The following KTN1 variants were observed in gnomAD, a reference collection of about 807,000 sequenced individuals.
KTN1 encodes the protein kinectin 1, also known as kinectin.
A neutral mutation model predicts 222.5 loss-of-function variants in KTN1; 130 were observed. That is an observed-to-expected ratio of 0.58 (90% CI 0.51 to 0.68). The LOEUF (loss-of-function observed/expected upper bound fraction) is 0.68. Ranked by LOEUF, KTN1 falls within the 30% of genes least tolerant of loss-of-function variation. KTN1 has a pLI of 0.00. For missense variants in KTN1, 1,508 were observed against 1,500.4 expected, an observed-to-expected ratio of 1.01 and a Z score of -0.08; for synonymous variants, 512 against 496.3, an observed-to-expected ratio of 1.03 and a Z score of -0.42.
chr14:55,646,636 ATTC>A (rs1390244916), intron 18 of KTN1, among the ~76,000 whole-genome samples: 2 of 136,890 alleles, frequency 1.5e-5, no homozygotes, highest in East Asian at 4.2e-4. Context: ...TAGAGTCTGG[ATTC>A]TTTGTATTTG....
chr14:55,634,232 C>T (rs1032612340), intron 8 of KTN1, among the ~76,000 whole-genome samples: 1 of 152,042 alleles, frequency 6.6e-6, no homozygotes, highest in African/African-American at 2.4e-5. Context: ...TACACAGTAC[C>T]CTGACTGGCT....
At chr14:55,609,457 A>G (rs1359565822) in intron 1 of KTN1, among the ~76,000 whole-genome samples, 1 of 152,216 alleles carries the variant, frequency 6.6e-6, no homozygotes, top group Non-Finnish European at 1.5e-5. Flanking sequence ...TTGTGTGAAG[A>G]GAGACTCCCG....
At chr14:55,653,467 T>C in intron 27 of KTN1, 92 bp from the exon 28 acceptor site, 1 of 949,466 alleles carries the variant, frequency 1.1e-6, no homozygotes, top group Non-Finnish European at 1.6e-6. Context: ...ATGTTTTTGT[T>C]TTTATTGGTG....
At chr14:55,629,246 C>G (rs1348141873) in intron 6 of KTN1, among the ~76,000 whole-genome samples, 1 of 151,844 alleles carries the variant, frequency 6.6e-6, no homozygotes. Flanking sequence ...GAAACCCCGT[C>G]TCTAATAAAA....
At chr14:55,658,219 C>G (rs1458644358) in intron 29 of KTN1, among the ~76,000 whole-genome samples, 1 of 152,046 alleles carries the variant, frequency 6.6e-6, no homozygotes, top group Admixed American at 6.6e-5. Context: ...TAGGATAAAA[C>G]CCCCACAACA....
At chr14:55,589,815 C>A (rs763904130) in intron 1 of KTN1, among the ~76,000 whole-genome samples, 1 of 151,868 alleles carries the variant, frequency 6.6e-6, no homozygotes, top group Non-Finnish European at 1.5e-5. Context: ...TGCATCACCA[C>A]GCCCAGCTAA....
intron 28 of KTN1, 53 bp downstream of exon 28, chr14:55,653,649 T>A: frequency 7.4e-7 from 1 of 1,351,244 alleles, no homozygotes; most frequent in South Asian, 1.2e-5. Flanking sequence ...CTCATTATTT[T>A]CCAGGGTGTG....
At position 55,650,644 on chromosome 14, in the gene KTN1, A is replaced by T; in HGVS notation, c.2565+7A>T. 1 of 1,591,798 alleles carries T rather than the reference A, an allele frequency of 6.3e-7. No homozygotes were observed. Among genetic ancestry groups the T allele is most frequent in the Non-Finnish European group, 8.6e-7 (1 of 1,160,686 alleles). On this transcript the variant is annotated splice_region_variant and intron_variant, in intron 24 of 43. Transcript: ENST00000395314. ...GCTTGAAAAGGCTCAACAGGTAAAA[A>T]TCCCAGAGCCATAGCATGACAGATT...
At chr14:55,632,298 A>G (rs774877814) in intron 7 of KTN1, among the ~76,000 whole-genome samples, 6 of 152,230 alleles carry the variant, frequency 3.9e-5, no homozygotes, top group Non-Finnish European at 7.3e-5. Context: ...GATTACTTAC[A>G]GAGGTCAGGA....
intron 43 of KTN1, chr14:55,683,529 G>C (rs1414196766): frequency 6.6e-6 from 1 of 151,954 alleles, no homozygotes; most frequent in African/African-American, 2.4e-5. Context: ...AATATTAAAC[G>C]TTTATTCACA....
chr14:55,640,012 A>G lies in KTN1; in HGVS notation c.1914+9A>G. The stretch of plus-strand genomic sequence containing the variant: ...AAGAAGAGGAACTTAAGGTATAGTA[A>G]TTTGTATAAATGGCTGCAATATTTT... On this transcript the variant is annotated intron_variant, in intron 14 of 43. Transcript: ENST00000395314. The G allele has an allele frequency of 2.1e-6, 3 of 1,460,314 alleles. No homozygotes were observed. The highest frequency in any genetic ancestry group is 1.2e-5 in the South Asian group (1 of 86,812). The allele number at this position is 1,460,314 out of a possible 1,614,324, so 90.5% of individuals were successfully genotyped here. A position where few individuals can be genotyped will look rare whatever the true frequency, so the allele number is the denominator to read the frequency against.
intron 28 of KTN1, 46 bp from the exon 29 acceptor site, chr14:55,655,995 CT>C: frequency 5.1e-6 from 6 of 1,174,394 alleles, no homozygotes; most frequent in East Asian, 2.5e-5. Flanking sequence ...TCTGGTTTTC[CT>C]TTTTTATGTA....
intron 18 of KTN1, 137 bp from the exon 19 acceptor site, chr14:55,646,836 C>T (rs887893206): frequency 3.1e-5 from 19 of 613,972 alleles, no homozygotes; most frequent in Admixed American, 6.2e-5. Context: ...ATTATCAAGT[C>T]TTCAGATAAG....
At chr14:55,604,738 CTA>C (rs1037233849) in intron 1 of KTN1, among the ~76,000 whole-genome samples, 19 of 151,812 alleles carry the variant, frequency 1.3e-4, no homozygotes, top group African/African-American at 4.6e-4. Flanking sequence ...ATAATAAAGA[CTA>C]TTGTGGAAGA....
At chr14:55,660,333 G>T (rs952541551) in intron 31 of KTN1, among the ~76,000 whole-genome samples, 21 of 149,700 alleles carry the variant, frequency 1.4e-4, no homozygotes, top group South Asian at 2.1e-4. Flanking sequence ...CTCCAGCCTG[G>T]CACCAAGAAA....
At chr14:55,659,597 G>T in intron 30 of KTN1, 69 bp from the exon 31 acceptor site, 1 of 927,188 alleles carries the variant, frequency 1.1e-6, no homozygotes, top group Non-Finnish European at 1.7e-6. Flanking sequence ...TTATATTTGA[G>T]AAAAGCTTCA....
At chr14:55,671,935 C>T (rs1403095547) in intron 37 of KTN1, 58 bp downstream of exon 37, 5 of 951,378 alleles carry the variant, frequency 5.3e-6, no homozygotes, top group Non-Finnish European at 8.5e-6. Flanking sequence ...CTTGAACCAG[C>T]AGCATCAGCA....
In KTN1 at chr14:55,678,390, A is replaced by T. The variant is rs2141393280; in HGVS notation, c.3894A>T (p.Val1298=). ...QSLELIQSKI[V]KAAGDTTVIE... ...TGGAGCTTATCCAGTCAAAAATAGT[A>T]AAAGCTGCTGGAGACACTACTGTTA... is the stretch of plus-strand genomic sequence containing the variant. Residue 1298 remains valine, a synonymous_variant, in exon 42 of 44, where the codon GTA becomes GTT. Transcript: ENST00000395314. 1.9e-6 allele frequency: 3 copies of T among 1,612,830 alleles called. No homozygotes were observed. In the East Asian group the frequency reaches 6.7e-5, roughly 36 times the overall value.
rs1251025439 is a variant in KTN1, at chr14:55,637,372, T to C, written c.1716+8T>C. On this transcript the variant is annotated splice_region_variant and intron_variant, in intron 11 of 43. Transcript: ENST00000395314. ...CTACAAATGCAGGTTCAGGTATTTT[T>C]TCTTCTTTTTTTTTTTTTAAAAAAA... 1.3e-6 allele frequency: 2 copies of C among 1,539,932 alleles called. No homozygotes were observed. The highest frequency in any genetic ancestry group is 1.7e-6 in the Non-Finnish European group (2 of 1,144,770).
Sources: gnomAD v4.1 joint callset for allele counts (sites outside exome capture counted in the v4.1 genomes callset) on GRCh38, gnomAD v4.1.1 for gene constraint, MANE v1.5 for transcripts, NCBI Gene and HGNC (gene_info 2026-07-23, HGNC 2026-07-21) for gene names.